The following PCCA variants were observed in gnomAD, a reference collection of about 807,000 sequenced individuals.
PCCA encodes propionyl-CoA carboxylase alpha chain, mitochondrial.
Under a neutral mutation model 101.3 loss-of-function variants are expected in PCCA, and 74 were observed. The ratio of observed to expected loss-of-function variants is 0.73; its 90% CI spans 0.61 to 0.89. PCCA has a LOEUF of 0.89. PCCA is among the 40% of genes least tolerant of loss of function. The pLI is 0.00. For synonymous variants in PCCA, 294 were observed against 313.6 expected, an observed-to-expected ratio of 0.94 and a Z score of 0.66; for missense variants, 891 against 907.0, an observed-to-expected ratio of 0.98 and a Z score of 0.23.
intron 5 of PCCA, among the ~76,000 whole-genome samples, chr13:100,156,513 G>T (rs1393417010): frequency 6.6e-6 from 1 of 152,222 alleles, no homozygotes; most frequent in Admixed American, 6.5e-5. Flanking sequence ...CGAAATTTAT[G>T]TTTGGCCAGT....
At chr13:100,164,387 T>C (rs576879851) in intron 6 of PCCA, among the ~76,000 whole-genome samples, 1 of 152,348 alleles carries the variant, frequency 6.6e-6, no homozygotes, top group South Asian at 2.1e-4. Context: ...GTTTAAAAAC[T>C]AGTCTTAGAG....
intron 8 of PCCA, among the ~76,000 whole-genome samples, chr13:100,244,993 T>C (rs1355613991): frequency 3.3e-5 from 5 of 150,272 alleles, no homozygotes; most frequent in Admixed American, 3.3e-4. Context: ...GGATAAATCA[T>C]AGACTCCAAC....
intron 21 of PCCA, among the ~76,000 whole-genome samples, chr13:100,480,817 C>G (rs1237301810): frequency 6.6e-6 from 1 of 152,200 alleles, no homozygotes; most frequent in East Asian, 1.9e-4. Context: ...TTGCTTCCTG[C>G]ATGACAGTCA....
intron 8 of PCCA, among the ~76,000 whole-genome samples, chr13:100,255,767 C>A (rs1320797916): frequency 6.6e-6 from 1 of 152,166 alleles, no homozygotes; most frequent in African/African-American, 2.4e-5. Flanking sequence ...CATTCTCATG[C>A]AGGATTAAAA....
chr13:100,169,617 TC>T (rs2055421787), intron 6 of PCCA, among the ~76,000 whole-genome samples: 1 of 151,808 alleles, frequency 6.6e-6, no homozygotes, highest in Admixed American at 6.6e-5. Context: ...AATCTCCGTC[TC>T]CCAGGTTCAA....
At chr13:100,487,898 A>AT (rs1363704086) in intron 21 of PCCA, among the ~76,000 whole-genome samples, 51 of 129,032 alleles carry the variant, frequency 4.0e-4, no homozygotes, top group African/African-American at 1.5e-3. Context: ...GCTAATTAAA[A>AT]TAAAAAAAAA....
chr13:100,348,910 C>T lies in PCCA; in HGVS notation c.1643+8651C>T, dbSNP rs867200091. Among the ~76,000 whole-genome samples the T allele has an allele frequency of 7.6e-3, 393 of 51,446 alleles. 13 individuals carry two copies. The highest frequency in any genetic ancestry group is 0.042 in the South Asian group (99 of 2,340). 33.8% of individuals were successfully genotyped at this position (51,446 alleles called of 152,430 possible). A position where few individuals can be genotyped will look rare whatever the true frequency, so the allele number is the denominator to read the frequency against. On this transcript the variant is annotated intron_variant, in intron 18 of 23. Coordinates refer to ENST00000376285, the MANE Select transcript of PCCA (RefSeq NM_000282.4). ...CTTTCTTTCCTTCCTTCCTTCCTTCCTTTCTTTTCTTTTCTTTTCTTTTCT... is the reference window on the plus strand; with the variant it reads ...CTTTCTTTCCTTCCTTCCTTCCTTCTTTTCTTTTCTTTTCTTTTCTTTTCT...
At chr13:100,156,031 C>A (rs1394077153) in intron 5 of PCCA, among the ~76,000 whole-genome samples, 2 of 152,130 alleles carry the variant, frequency 1.3e-5, no homozygotes, top group Non-Finnish European at 2.9e-5. Flanking sequence ...AGTTTAAATT[C>A]TTCTGTACCA....
At chr13:100,332,709 T>G (rs531229730) in intron 17 of PCCA, among the ~76,000 whole-genome samples, 75 of 152,340 alleles carry the variant, frequency 4.9e-4, no homozygotes, top group African/African-American at 1.6e-3. Flanking sequence ...GAAATGTACT[T>G]AAACCTAGAT....
intron 22 of PCCA, among the ~76,000 whole-genome samples, chr13:100,518,410 G>C (rs9557448): frequency 0.33 from 50,031 of 152,064 alleles, 8,740 homozygotes; most frequent in Middle Eastern, 0.41. Flanking sequence ...GCTTGGTGTG[G>C]CAGGGCCTTG....
chr13:100,467,025 G>GT (rs2082574568), intron 21 of PCCA, among the ~76,000 whole-genome samples: 1 of 152,144 alleles, frequency 6.6e-6, no homozygotes, highest in Non-Finnish European at 1.5e-5. Context: ...AGCACCGTAT[G>GT]TTTGTCATTC....
chr13:100,230,114 G>A (rs773635017), intron 7 of PCCA, among the ~76,000 whole-genome samples: 60 of 152,228 alleles, frequency 3.9e-4, no homozygotes, highest in Non-Finnish European at 3.8e-4. Context: ...TGGGGATTTA[G>A]TAGAGAGTAA....
chr13:100,117,580 AC>A (rs2152292787), intron 4 of PCCA, among the ~76,000 whole-genome samples: 1 of 151,934 alleles, frequency 6.6e-6, no homozygotes, highest in East Asian at 1.9e-4. Context: ...CAATGAAGAC[AC>A]TTGGACACAG....
intron 21 of PCCA, among the ~76,000 whole-genome samples, chr13:100,473,728 T>C (rs1370916559): frequency 6.6e-6 from 1 of 152,236 alleles, no homozygotes; most frequent in African/African-American, 2.4e-5. Flanking sequence ...TGATTGCATT[T>C]GGCACAATAT....
chr13:100,226,414 G>A (rs746983951), intron 7 of PCCA, among the ~76,000 whole-genome samples: 1 of 152,164 alleles, frequency 6.6e-6, no homozygotes, highest in Non-Finnish European at 1.5e-5. Flanking sequence ...TTAAGGATTG[G>A]TAAGTAGGCA....
intron 19 of PCCA, among the ~76,000 whole-genome samples, chr13:100,399,124 A>G (rs1178097083): frequency 6.6e-6 from 1 of 152,136 alleles, no homozygotes; most frequent in African/African-American, 2.4e-5. Context: ...TTTGTAGAGT[A>G]TAAAAGAGAA....
chr13:100,522,053 A>T (rs2087343587), intron 22 of PCCA, among the ~76,000 whole-genome samples: 1 of 152,210 alleles, frequency 6.6e-6, no homozygotes, highest in Non-Finnish European at 1.5e-5. Context: ...TCTTGCATCG[A>T]AACAGTTGCG....
At position 100,093,752 on chromosome 13, in the gene PCCA, C is replaced by T. The variant is rs190196368; in HGVS notation, c.105+4527C>T. 4.5e-4 allele frequency among the ~76,000 whole-genome samples: 68 copies of T among 152,032 alleles called. 1 individual carries two copies. Among genetic ancestry groups the T allele is most frequent in the African/African-American group, 1.4e-3 (59 of 41,470 alleles). On this transcript the variant is annotated intron_variant, in intron 1 of 23. Transcript: ENST00000376285. ...AACATAATGATACCACCCCCACCCC[C>T]GGCTATCTCTACAAAATAAAATAAA... is the stretch of plus-strand genomic sequence containing the variant.
Position 100,111,975 on chromosome 13 carries a change from T to A in PCCA, c.232-18T>A, listed in dbSNP as rs1041129265. The A allele has an allele frequency of 1.3e-6, 2 of 1,585,394 alleles. No individual in the cohort carries two copies. On this transcript the variant is annotated intron_variant, in intron 3 of 23. Coordinates refer to ENST00000376285, the MANE Select transcript of PCCA (RefSeq NM_000282.4). ...AGTGTGAATCACTATTAATAGACAT[T>A]AATATATTTTAAAATAGGTTATTAG... is the stretch of plus-strand genomic sequence containing the variant.
Sources: gnomAD v4.1 joint callset for allele counts (sites outside exome capture counted in the v4.1 genomes callset) on GRCh38, gnomAD v4.1.1 for gene constraint, MANE v1.5 for transcripts, NCBI Gene and HGNC (gene_info 2026-07-23, HGNC 2026-07-21) for gene names.